MOB1B: variants seen among roughly 807,000 people sequenced by gnomAD.
MOB1B encodes the protein MOB kinase activator 1B, also known as MOB1 Mps One Binder homolog B.
MOB1B carries 19 observed loss-of-function variants against 24.4 expected under a neutral mutation model. The ratio of observed to expected loss-of-function variants is 0.78; its 90% CI spans 0.54 to 1.14. The LOEUF (loss-of-function observed/expected upper bound fraction) is 1.14, where lower values mean the gene tolerates loss of function less well. MOB1B is among the 50% of genes most tolerant of loss of function. MOB1B has a pLI of 0.00. For missense variants in MOB1B, 243 were observed against 259.6 expected, an observed-to-expected ratio of 0.94 and a Z score of 0.44; for synonymous variants, 76 against 82.1, an observed-to-expected ratio of 0.93 and a Z score of 0.40.
chr4:70,941,323 T>C (rs1373309387), intron 1 of MOB1B, among the ~76,000 whole-genome samples: 1 of 152,176 alleles, frequency 6.6e-6, no homozygotes, highest in Non-Finnish European at 1.5e-5. Context: ...CTGCTGCAAC[T>C]TAAGAAATTT....
intron 2 of MOB1B, among the ~76,000 whole-genome samples, chr4:70,966,642 G>A (rs1360656763): frequency 6.6e-6 from 1 of 152,016 alleles, no homozygotes; most frequent in Non-Finnish European, 1.5e-5. Context: ...CCAAAGTGCT[G>A]GGATTACAGG....
In MOB1B at chr4:70,987,643, C is replaced by T; in HGVS notation, c.*5586C>T. 1 of 152,082 alleles carries T rather than the reference C, an allele frequency of 6.6e-6. No homozygotes were observed. The highest frequency in any genetic ancestry group is 1.9e-4 in the East Asian group (1 of 5,200). 9.4% of individuals were successfully genotyped at this position (152,082 alleles called of 1,614,324 possible). On this transcript the variant is annotated 3_prime_UTR_variant, in exon 6 of 6. Transcript: ENST00000309395. ...TAACTTTTACTGCATAGAATTAACACTAGGAACAGTGTCATGAAATCTGGG... is the reference window on the plus strand; with the variant it reads ...TAACTTTTACTGCATAGAATTAACATTAGGAACAGTGTCATGAAATCTGGG...
intron 1 of MOB1B, among the ~76,000 whole-genome samples, chr4:70,937,251 A>G (rs1737123043): frequency 6.6e-6 from 1 of 150,430 alleles, no homozygotes. Context: ...TTGATTTCTG[A>G]TCTTTTATAT....
At chr4:70,966,462 C>A (rs529078511) in intron 2 of MOB1B, among the ~76,000 whole-genome samples, 8 of 151,764 alleles carry the variant, frequency 5.3e-5, no homozygotes, top group Admixed American at 5.3e-4. Context: ...ACAACCTTTG[C>A]CTCCCAGGTT....
intron 1 of MOB1B, among the ~76,000 whole-genome samples, chr4:70,924,095 T>C (rs1042183425): frequency 2.0e-5 from 3 of 152,134 alleles, no homozygotes. Flanking sequence ...TTTGGGATCA[T>C]GTTTCAAACA....
intron 1 of MOB1B, among the ~76,000 whole-genome samples, chr4:70,955,109 G>A (rs1737987360): frequency 6.6e-6 from 1 of 152,106 alleles, no homozygotes; most frequent in South Asian, 2.1e-4. Context: ...TTCTACCAAA[G>A]TATAAAGTTC....
Position 70,983,371 on chromosome 4 carries a change from A to T in MOB1B, c.*1314A>T, listed in dbSNP as rs1198802163. On this transcript the variant is annotated 3_prime_UTR_variant, in exon 6 of 6. Transcript: ENST00000309395. ...GCAGTATTAGATAATGAAAAATGCT[A>T]ATTCAGTAGTTATTAACTTCTAAAT... is the stretch of plus-strand genomic sequence containing the variant. The T allele has an allele frequency of 6.6e-6, 1 of 152,554 alleles. No homozygotes were observed. The highest frequency in any genetic ancestry group is 1.5e-5 in the Non-Finnish European group (1 of 67,972). 9.5% of individuals were successfully genotyped at this position (152,554 alleles called of 1,614,324 possible).
intron 1 of MOB1B, among the ~76,000 whole-genome samples, chr4:70,938,479 G>A (rs1737182945): frequency 6.6e-6 from 1 of 151,938 alleles, no homozygotes; most frequent in Non-Finnish European, 1.5e-5. Context: ...TGGTAAACTT[G>A]CCTGCAACTA....
At chr4:70,954,338 C>T (rs1173806044) in intron 1 of MOB1B, among the ~76,000 whole-genome samples, 1 of 152,184 alleles carries the variant, frequency 6.6e-6, no homozygotes, top group Non-Finnish European at 1.5e-5. Flanking sequence ...ATTAGGCTTT[C>T]ACTGCTAAAG....
upstream of MOB1B, among the ~76,000 whole-genome samples, chr4:70,901,943 C>A (rs1419921179): frequency 6.6e-6 from 1 of 152,120 alleles, no homozygotes; most frequent in Non-Finnish European, 1.5e-5. Context: ...TGAGAGATGC[C>A]ATTACCTTTC....
intron 1 of MOB1B, among the ~76,000 whole-genome samples, chr4:70,906,301 C>T (rs1218119000): frequency 2.6e-5 from 4 of 151,694 alleles, no homozygotes; most frequent in South Asian, 4.2e-4. Flanking sequence ...CACTTGAATC[C>T]GGGAGACAGA....
intron 1 of MOB1B, among the ~76,000 whole-genome samples, chr4:70,915,384 G>A (rs554853421): frequency 5.8e-4 from 88 of 152,336 alleles, no homozygotes; most frequent in Non-Finnish European, 1.0e-3. Context: ...CAGTGTGGGA[G>A]CAGGCCCGAG....
At position 70,983,158 on chromosome 4, in the gene MOB1B, A is replaced by G. The variant is rs1379678425; in HGVS notation, c.*1101A>G. The G allele has an allele frequency of 6.6e-6, 1 of 152,604 alleles. No individual in the cohort carries two copies. The highest frequency in any genetic ancestry group is 2.4e-5 in the African/African-American group (1 of 41,466). 9.5% of individuals were successfully genotyped at this position (152,604 alleles called of 1,614,324 possible). On this transcript the variant is annotated 3_prime_UTR_variant, in exon 6 of 6. Coordinates refer to ENST00000309395, the MANE Select transcript of MOB1B (RefSeq NM_173468.4). The stretch of plus-strand genomic sequence containing the variant: ...TAAATTATTAATTTTAGGTACAGAC[A>G]TTAAACATGGAATTTAAGGACTGTT...
intron 1 of MOB1B, among the ~76,000 whole-genome samples, chr4:70,930,648 G>A (rs1054906325): frequency 6.6e-6 from 1 of 152,126 alleles, no homozygotes; most frequent in African/African-American, 2.4e-5. Flanking sequence ...ATGATTGTAT[G>A]TGTGAAACCC....
chr4:70,923,450 G>T (rs1391032279), intron 1 of MOB1B, among the ~76,000 whole-genome samples: 1 of 152,058 alleles, frequency 6.6e-6, no homozygotes, highest in African/African-American at 2.4e-5. Flanking sequence ...CGAACTGCCC[G>T]CCTCAGACTC....
intron 1 of MOB1B, among the ~76,000 whole-genome samples, chr4:70,922,024 A>G (rs1736458758): frequency 6.6e-6 from 1 of 152,164 alleles, no homozygotes; most frequent in African/African-American, 2.4e-5. Flanking sequence ...TGACTTTTAG[A>G]TAACTTCTGA....
At chr4:70,915,091 CAAT>C (rs1479551132) in intron 1 of MOB1B, among the ~76,000 whole-genome samples, 54 of 152,282 alleles carry the variant, frequency 3.5e-4, no homozygotes, top group East Asian at 1.9e-4. Flanking sequence ...ATTATCTTAA[CAAT>C]GATGATTGCT....
At chr4:70,929,645 T>G (rs2148878330) in intron 1 of MOB1B, among the ~76,000 whole-genome samples, 1 of 150,090 alleles carries the variant, frequency 6.7e-6, no homozygotes, top group Non-Finnish European at 1.5e-5. Context: ...CACACCAAGC[T>G]AATTTTTTTT....
intron 1 of MOB1B, among the ~76,000 whole-genome samples, chr4:70,913,650 T>A (rs1736087188): frequency 6.6e-6 from 1 of 152,186 alleles, no homozygotes. Context: ...TGTCCATTAT[T>A]GGTGGTGTTA....
Sources: allele counts gnomAD v4.1 joint callset (sites outside exome capture counted in the v4.1 genomes callset), GRCh38; gene constraint gnomAD v4.1.1; transcripts MANE v1.5; gene names NCBI Gene and HGNC (gene_info 2026-07-23, HGNC 2026-07-21).